ABCG2: variants seen among roughly 807,000 people sequenced by gnomAD.
ABCG2 encodes ATP binding cassette subfamily G member 2 (JR blood group), also known as broad substrate specificity ATP-binding cassette transporter ABCG2.
A neutral mutation model predicts 73.5 loss-of-function variants in ABCG2; 80 were observed. The ratio of observed to expected loss-of-function variants is 1.09; its 90% CI spans 0.91 to 1.31. ABCG2 has a LOEUF of 1.31. Ranked by LOEUF, ABCG2 falls within the 50% of genes most tolerant of loss-of-function variation. ABCG2 has a pLI of 0.00. For synonymous variants in ABCG2, 269 were observed against 282.4 expected, an observed-to-expected ratio of 0.95 and a Z score of 0.48; for missense variants, 796 against 786.2, an observed-to-expected ratio of 1.01 and a Z score of -0.15.
At chr4:88,111,248 C>T (rs1289116436) in intron 9 of ABCG2, among the ~76,000 whole-genome samples, 2 of 152,208 alleles carry the variant, frequency 1.3e-5, no homozygotes, top group Non-Finnish European at 2.9e-5. Context: ...CAATTCATTA[C>T]ATTATTTCAC....
intron 9 of ABCG2, among the ~76,000 whole-genome samples, chr4:88,109,689 T>G (rs12505410): frequency 0.31 from 46,920 of 152,138 alleles, 8,231 homozygotes; most frequent in Admixed American, 0.4. Flanking sequence ...CTTTGGAAGA[T>G]GCATTATCAG....
At chr4:88,183,343 A>T (rs1019599897) in intron 1 of ABCG2, among the ~76,000 whole-genome samples, 19 of 152,224 alleles carry the variant, frequency 1.2e-4, no homozygotes, top group African/African-American at 4.6e-4. Context: ...TGAAGAAAAA[A>T]AGAGAAAAGA....
intron 6 of ABCG2, among the ~76,000 whole-genome samples, chr4:88,118,655 C>G (rs1723760558): frequency 6.6e-6 from 1 of 152,174 alleles, no homozygotes. Flanking sequence ...AAACAATGGT[C>G]ATATATCTCA....
chr4:88,105,077 T>C (rs934653542), intron 10 of ABCG2, among the ~76,000 whole-genome samples: 3 of 152,120 alleles, frequency 2.0e-5, no homozygotes, highest in South Asian at 4.1e-4. Context: ...TACTAGCAAG[T>C]CTGGAAATAA....
intron 1 of ABCG2, among the ~76,000 whole-genome samples, chr4:88,180,673 A>G (rs528091854): frequency 6.6e-6 from 1 of 152,242 alleles, no homozygotes; most frequent in East Asian, 1.9e-4. Context: ...GGCTCACTTT[A>G]GCCCAGAAAG....
chr4:88,175,000 C>T (rs1442101002), intron 1 of ABCG2, among the ~76,000 whole-genome samples: 1 of 152,146 alleles, frequency 6.6e-6, no homozygotes, highest in Non-Finnish European at 1.5e-5. Flanking sequence ...CTCCCCATTG[C>T]TTGTTTTTGT....
upstream of ABCG2, chr4:88,158,979 G>T (rs537258233): frequency 3.9e-5 from 14 of 359,470 alleles, no homozygotes; most frequent in South Asian, 2.6e-4. Context: ...GCGTGGCCCC[G>T]ACTGCCGGGC....
chr4:88,139,505 G>A (rs1304605009), intron 2 of ABCG2, among the ~76,000 whole-genome samples: 3 of 152,044 alleles, frequency 2.0e-5, no homozygotes, highest in East Asian at 1.9e-4. Flanking sequence ...TGCCTGCCTC[G>A]GCCTCCCAAA....
At chr4:88,163,356 G>A (rs1330861062), upstream of ABCG2, among the ~76,000 whole-genome samples, 6 of 152,194 alleles carry the variant, frequency 3.9e-5, no homozygotes, top group Non-Finnish European at 8.8e-5. Context: ...TATAGCTAGA[G>A]GCTATCTTAG....
intron 1 of ABCG2, among the ~76,000 whole-genome samples, chr4:88,182,088 AC>A (rs1728277092): frequency 6.6e-6 from 1 of 152,088 alleles, no homozygotes; most frequent in Non-Finnish European, 1.5e-5. Context: ...GGAAAAAGAC[AC>A]TCCATACCAA....
intron 1 of ABCG2, among the ~76,000 whole-genome samples, chr4:88,149,458 T>C (rs773317007): frequency 2.8e-4 from 42 of 152,200 alleles, no homozygotes; most frequent in Non-Finnish European, 5.6e-4. Context: ...ATCCAATCCA[T>C]CACAGAATGT....
chr4:88,202,840 CAG>C (rs1729236489), intron 1 of ABCG2, among the ~76,000 whole-genome samples: 1 of 152,058 alleles, frequency 6.6e-6, no homozygotes, highest in Non-Finnish European at 1.5e-5. Flanking sequence ...GCCAGGTCAA[CAG>C]AGAGGGACCC....
chr4:88,163,642 AC>A (rs199829133), upstream of ABCG2: 2,438 of 219,934 alleles, frequency 0.011, 21 homozygotes, highest in Non-Finnish European at 0.013. Flanking sequence ...CGAGGTAGTG[AC>A]CCAAGAATAA....
chr4:88,227,143 A>G (rs1169236053), intron 1 of ABCG2, among the ~76,000 whole-genome samples: 5 of 152,178 alleles, frequency 3.3e-5, no homozygotes, highest in Non-Finnish European at 5.9e-5. Flanking sequence ...CTGTAATCTC[A>G]GCACTTTGGG....
At chr4:88,114,301 T>A (rs1320178987) in intron 8 of ABCG2, among the ~76,000 whole-genome samples, 1 of 152,164 alleles carries the variant, frequency 6.6e-6, no homozygotes, top group Non-Finnish European at 1.5e-5. Context: ...TAAAATAGAC[T>A]TCTTACCATA....
intron 11 of ABCG2, among the ~76,000 whole-genome samples, chr4:88,100,371 C>T (rs1371535571): frequency 5.3e-5 from 8 of 151,686 alleles, no homozygotes; most frequent in African/African-American, 1.7e-4. Flanking sequence ...GGTGTGGTGG[C>T]GGGCACCTGT....
At chr4:88,094,894 G>A (rs1007585683) in intron 14 of ABCG2, among the ~76,000 whole-genome samples, 12 of 152,210 alleles carry the variant, frequency 7.9e-5, no homozygotes, top group Non-Finnish European at 1.5e-4. Flanking sequence ...CAAAGCGGGA[G>A]ACCTCTGGCT....
chr4:88,113,143 A>T (rs1428167270), intron 9 of ABCG2, among the ~76,000 whole-genome samples, 160 bp downstream of exon 9: 1 of 152,178 alleles, frequency 6.6e-6, no homozygotes, highest in Non-Finnish European at 1.5e-5. Flanking sequence ...AGTAAAACTT[A>T]ATTGTCCTTT....
At chr4:88,158,692 C>A (rs186322470), upstream of ABCG2, 98 of 455,916 alleles carry the variant, frequency 2.1e-4, no homozygotes, top group Middle Eastern at 2.0e-3. Flanking sequence ...AGCACGCAGC[C>A]CGCGCGCGGC....
Sources: allele counts gnomAD v4.1 joint callset (sites outside exome capture counted in the v4.1 genomes callset), GRCh38; gene constraint gnomAD v4.1.1; transcripts MANE v1.5; gene names NCBI Gene and HGNC (gene_info 2026-07-23, HGNC 2026-07-21).